The following MYRFL variants were observed in gnomAD, a reference collection of about 807,000 sequenced individuals.
MYRFL encodes myelin regulatory factor-like protein.
MYRFL carries 88 observed loss-of-function variants against 109.4 expected under a neutral mutation model. The ratio of observed to expected loss-of-function variants is 0.80; its 90% confidence interval spans 0.68 to 0.96. MYRFL has a LOEUF of 0.96. MYRFL is among the 40% of genes least tolerant of loss of function. MYRFL has a pLI of 0.00. For missense variants in MYRFL, 957 were observed against 954.9 expected (o/e 1.00, Z -0.03); for synonymous variants, 324 against 320.9 (o/e 1.01, Z -0.10).
In MYRFL at chr12:69,927,666, T is replaced by A. The variant is rs1566031703; in HGVS notation, c.1767-19T>A. ...GGAGAGGTATTTGAATAGTAACCAATTTTCTCTCTCTTTTAAAGCAAATCT... is the reference window on the plus strand; with the variant it reads ...GGAGAGGTATTTGAATAGTAACCAAATTTCTCTCTCTTTTAAAGCAAATCT... On this transcript the variant is annotated intron_variant, in intron 14 of 24. Coordinates refer to ENST00000552032, the MANE Select transcript of MYRFL (RefSeq NM_182530.3). The A allele has an allele frequency of 6.5e-7, 1 of 1,527,980 alleles. No homozygotes were observed. The highest frequency in any genetic ancestry group is 8.7e-7 in the Non-Finnish European group (1 of 1,144,038). The allele number at this position is 1,527,980 out of a possible 1,614,324, so 94.7% of individuals were successfully genotyped here.
chr12:69,927,360 T>A (rs1241618201), intron 14 of MYRFL, among the ~76,000 whole-genome samples: 1 of 151,708 alleles, frequency 6.6e-6, no homozygotes, highest in African/African-American at 2.4e-5. Flanking sequence ...GGAGAAGTGG[T>A]CATTTCTAAA....
At chr12:69,935,088 T>TTCA (rs1955404306) in intron 16 of MYRFL, among the ~76,000 whole-genome samples, 1 of 152,156 alleles carries the variant, frequency 6.6e-6, no homozygotes, top group Non-Finnish European at 1.5e-5. Context: ...ATCTTTGGGG[T>TTCA]TCATCATCAC....
intron 13 of MYRFL, among the ~76,000 whole-genome samples, chr12:69,913,734 C>T (rs890423846): frequency 3.9e-5 from 6 of 152,186 alleles, no homozygotes; most frequent in African/African-American, 1.4e-4. Context: ...AAGTGTGAGT[C>T]ATACGGCTTT....
At chr12:69,886,036 A>C (rs1196133755) in intron 5 of MYRFL, among the ~76,000 whole-genome samples, 1 of 152,214 alleles carries the variant, frequency 6.6e-6, no homozygotes, top group Non-Finnish European at 1.5e-5. Flanking sequence ...AAGACCTGCC[A>C]AAATTAAAAT....
chr12:69,848,975 G>A (rs530093152), intron 1 of MYRFL, among the ~76,000 whole-genome samples: 167 of 152,276 alleles, frequency 1.1e-3, no homozygotes, highest in African/African-American at 3.8e-3. Context: ...GGGTTCAAGT[G>A]ATTTTCATGC....
chr12:69,936,078 G>GT (rs71098067), intron 16 of MYRFL, 35 bp from the exon 17 acceptor site: 9,801 of 893,640 alleles, frequency 0.011, 1,572 homozygotes, highest in East Asian at 0.034. Context: ...GCCACATAAT[G>GT]TTTTTTTTTT....
Position 69,880,225 on chromosome 12 carries a change from G to A in MYRFL, c.489G>A (p.Lys163=), listed in dbSNP as rs1024900358. 12 of 702,594 alleles carry A rather than the reference G, an allele frequency of 1.7e-5. No individual in the cohort carries two copies. The African/African-American group carries it at 1.7e-4, about 10-fold the overall frequency. The allele number at this position is 702,594 out of a possible 1,614,324, so 43.5% of individuals were successfully genotyped here. ...GAGCCTCATTGCCTCCAACCAAGAA[G>A]AGAAAGTGCACGCAGGCACTGGAGG... ...SPGASLPPTK[K]RKCTQALEDS... The change falls in exon 5 of 25, where the codon AAG becomes AAA. Residue 163 remains lysine, a synonymous_variant. Coordinates refer to ENST00000552032, the MANE Select transcript of MYRFL (RefSeq NM_182530.3).
chr12:69,943,934 T>C (rs1471509944), intron 19 of MYRFL, among the ~76,000 whole-genome samples: 4 of 150,148 alleles, frequency 2.7e-5, no homozygotes, highest in Admixed American at 2.7e-4. Flanking sequence ...CATGAAAAAA[T>C]GCTCATCATC....
chr12:69,829,619 T>C (rs866862625), intron 1 of MYRFL, among the ~76,000 whole-genome samples: 4 of 152,232 alleles, frequency 2.6e-5, no homozygotes, highest in South Asian at 2.1e-4. Context: ...CAAGCAGATA[T>C]TGAATTCTAA....
In MYRFL at chr12:69,958,624, T is replaced by G. The variant is rs1956149390; in HGVS notation, c.*93T>G. 1 of 949,710 alleles carries G rather than the reference T, an allele frequency of 1.1e-6. No homozygotes were observed. Among genetic ancestry groups the G allele is most frequent in the East Asian group, 2.8e-5 (1 of 36,160 alleles). The allele number at this position is 949,710 out of a possible 1,614,324, so 58.8% of individuals were successfully genotyped here. On this transcript the variant is annotated 3_prime_UTR_variant, in exon 25 of 25. Transcript: ENST00000552032. ...CTCTTGCAACTTCTTTTTTCTTCTT[T>G]GTAAAACATTTACGTTTATTGCTGA...
rs1336716063 is a variant in MYRFL, at chr12:69,926,932, G to GTTTTTTTTTTTTTTTT, written c.1766+198_1766+199insTTTTTTTTTTTTTTTT. On this transcript the variant is annotated intron_variant, in intron 14 of 24. Transcript: ENST00000552032. ...ACTTTCTTAGTTTTTTTCTGTTGCT[G>GTTTTTTTTTTTTTTTT]GTTTTTTTTTTTTTTTTTTTTTTTT... Among the ~76,000 whole-genome samples the GTTTTTTTTTTTTTTTT allele has an allele frequency of 4.1e-3, 316 of 76,872 alleles. 125 individuals are homozygous for GTTTTTTTTTTTTTTTT. The highest frequency in any genetic ancestry group is 6.8e-3 in the Non-Finnish European group (265 of 39,082). 50.4% of individuals were successfully genotyped at this position (76,872 alleles called of 152,430 possible).
At chr12:69,835,341 T>C (rs991950981) in intron 1 of MYRFL, among the ~76,000 whole-genome samples, 6 of 152,236 alleles carry the variant, frequency 3.9e-5, no homozygotes, top group African/African-American at 1.4e-4. Flanking sequence ...TAACTACTTC[T>C]GCTGTTTTTG....
At chr12:69,862,257 TTAAAG>T (rs1196812210) in intron 2 of MYRFL, among the ~76,000 whole-genome samples, 1 of 150,250 alleles carries the variant, frequency 6.7e-6, no homozygotes, top group Non-Finnish European at 1.5e-5. Flanking sequence ...CATATGAACT[TTAAAG>T]TAGTTTTTTC....
chr12:69,916,266 A>G (rs1838131093), intron 13 of MYRFL, among the ~76,000 whole-genome samples: 1 of 152,124 alleles, frequency 6.6e-6, no homozygotes, highest in East Asian at 1.9e-4. Context: ...TATGGGATGC[A>G]TAAATAAAGC....
intron 1 of MYRFL, among the ~76,000 whole-genome samples, chr12:69,849,017 G>T (rs1013174052): frequency 6.6e-6 from 1 of 152,116 alleles, no homozygotes; most frequent in South Asian, 2.1e-4. Context: ...GACCACAGGT[G>T]CATGGCACCA....
chr12:69,892,339 T>C (rs1160559989), intron 7 of MYRFL, among the ~76,000 whole-genome samples: 1 of 152,224 alleles, frequency 6.6e-6, no homozygotes, highest in Non-Finnish European at 1.5e-5. Flanking sequence ...AAAGTATTTC[T>C]TAAATTGTAA....
At chr12:69,898,530 G>A (rs143025049) in intron 10 of MYRFL, among the ~76,000 whole-genome samples, 16 of 152,292 alleles carry the variant, frequency 1.1e-4, no homozygotes, top group Middle Eastern at 3.4e-3. Context: ...AGGGGCCAGG[G>A]CCATCTTTGA....
chr12:69,874,968 A>AT (rs769588914), intron 2 of MYRFL, among the ~76,000 whole-genome samples: 226 of 151,392 alleles, frequency 1.5e-3, no homozygotes, highest in Non-Finnish European at 2.5e-3. Flanking sequence ...TGTATCTTTA[A>AT]AGATATAAAT....
At chr12:69,868,012 C>T (rs1415435261) in intron 2 of MYRFL, among the ~76,000 whole-genome samples, 3 of 152,076 alleles carry the variant, frequency 2.0e-5, no homozygotes. Context: ...AGGATAAACT[C>T]TGGTGGTAGA....
Sources: gnomAD v4.1 joint callset for allele counts (sites outside exome capture counted in the v4.1 genomes callset) on GRCh38, gnomAD v4.1.1 for gene constraint, MANE v1.5 for transcripts, NCBI Gene and HGNC (gene_info 2026-07-23, HGNC 2026-07-21) for gene names.